The following DNAJC1 variants were observed in gnomAD, a reference collection of about 807,000 sequenced individuals.
The protein encoded by DNAJC1 is DnaJ heat shock protein family (Hsp40) member C1, also known as dnaJ homolog subfamily C member 1.
In DNAJC1, 58 loss-of-function variants were observed where a neutral mutation model predicts 76.6. That is an observed-to-expected ratio of 0.76 (90% CI 0.61 to 0.94). The LOEUF (loss-of-function observed/expected upper bound fraction) is 0.94, where lower values mean the gene tolerates loss of function less well. Ranked by LOEUF, DNAJC1 falls within the 40% of genes least tolerant of loss-of-function variation. DNAJC1 has a pLI of 0.00. For synonymous variants in DNAJC1, 258 were observed against 267.9 expected (o/e 0.96, Z 0.36); for missense variants, 689 against 677.3 (o/e 1.02, Z -0.19).
At chr10:21,974,968 T>A (rs2131831730) in intron 1 of DNAJC1, among the ~76,000 whole-genome samples, 1 of 152,126 alleles carries the variant, frequency 6.6e-6, no homozygotes, top group East Asian at 1.9e-4. Flanking sequence ...TTATGTAAAT[T>A]TCTAACAATA....
intron 3 of DNAJC1, among the ~76,000 whole-genome samples, chr10:21,921,335 A>C (rs1811812768): frequency 6.6e-6 from 1 of 151,996 alleles, no homozygotes; most frequent in Non-Finnish European, 1.5e-5. Flanking sequence ...CAATAGGAGA[A>C]AGATCAAGAT....
In DNAJC1 at chr10:21,756,666, G is replaced by A. The variant is rs776024268; in HGVS notation, c.*21C>T. 1 of 1,583,822 alleles carries A rather than the reference G, an allele frequency of 6.3e-7. No individual in the cohort carries two copies. Among genetic ancestry groups the A allele is most frequent in the Non-Finnish European group, 8.7e-7 (1 of 1,153,050 alleles). ...GATATTCATTTTGGAAAATGAAGGT[G>A]AACATCATCTCCCAGAATATTCAGC... On this transcript the variant is annotated 3_prime_UTR_variant, in exon 12 of 12. Coordinates refer to ENST00000376980, the MANE Select transcript of DNAJC1 (RefSeq NM_022365.4).
chr10:21,940,536 A>G (rs896373883), intron 1 of DNAJC1, among the ~76,000 whole-genome samples: 10 of 152,200 alleles, frequency 6.6e-5, no homozygotes, highest in Non-Finnish European at 1.5e-4. Flanking sequence ...CAAATAAGAA[A>G]ATAATTTCGA....
At chr10:21,980,406 T>C (rs1048219310) in intron 1 of DNAJC1, among the ~76,000 whole-genome samples, 5 of 152,132 alleles carry the variant, frequency 3.3e-5, no homozygotes, top group Non-Finnish European at 7.4e-5. Flanking sequence ...ACTTCCATAG[T>C]ATTTATAACA....
chr10:21,832,867 C>T (rs1835383540), intron 8 of DNAJC1, among the ~76,000 whole-genome samples: 2 of 152,214 alleles, frequency 1.3e-5, no homozygotes, highest in Admixed American at 6.6e-5. Flanking sequence ...CCTACTTTTA[C>T]AAACATATTT....
At chr10:21,973,696 G>A (rs1838017069) in intron 1 of DNAJC1, among the ~76,000 whole-genome samples, 1 of 151,142 alleles carries the variant, frequency 6.6e-6, no homozygotes, top group South Asian at 2.1e-4. Context: ...ATTATTTTTG[G>A]TAATTATTTA....
At chr10:21,804,298 A>C (rs1156887661) in intron 9 of DNAJC1, among the ~76,000 whole-genome samples, 2 of 152,156 alleles carry the variant, frequency 1.3e-5, no homozygotes, top group Non-Finnish European at 2.9e-5. Context: ...TGCAGTCTTC[A>C]AAGGAGATAA....
chr10:21,893,803 G>T (rs1836494628), intron 7 of DNAJC1, among the ~76,000 whole-genome samples: 1 of 151,490 alleles, frequency 6.6e-6, no homozygotes, highest in South Asian at 2.1e-4. Context: ...AAAGCAAGCA[G>T]AAGGAAGGAA....
intron 1 of DNAJC1, among the ~76,000 whole-genome samples, chr10:21,976,498 C>A (rs1049216308): frequency 6.6e-6 from 1 of 152,174 alleles, no homozygotes; most frequent in African/African-American, 2.4e-5. Context: ...AAATTACATG[C>A]CACATCTTCT....
chr10:21,927,795 T>C (rs1030742723), intron 3 of DNAJC1, among the ~76,000 whole-genome samples: 11 of 152,054 alleles, frequency 7.2e-5, no homozygotes, highest in African/African-American at 2.7e-4. Flanking sequence ...TCTGTAGGAG[T>C]AGAGGAAAGG....
rs1433107649 is a variant in DNAJC1, at chr10:21,756,606, G to A, written c.*81C>T. The A allele has an allele frequency of 2.1e-6, 2 of 970,720 alleles. No homozygotes were observed. Among genetic ancestry groups the A allele is most frequent in the African/African-American group, 3.3e-5 (2 of 61,422 alleles). 60.1% of individuals were successfully genotyped at this position (970,720 alleles called of 1,614,324 possible). On this transcript the variant is annotated 3_prime_UTR_variant, in exon 12 of 12. Coordinates refer to ENST00000376980, the MANE Select transcript of DNAJC1 (RefSeq NM_022365.4). Reference sequence around the variant, plus strand: ...AAGGCACATGACGTAGAAATATTGAGGTACAAAATGCAAATTTCTGCATAA... The same window carrying A: ...AAGGCACATGACGTAGAAATATTGAAGTACAAAATGCAAATTTCTGCATAA...
chr10:22,002,844 G>A (rs1202118821), intron 1 of DNAJC1, among the ~76,000 whole-genome samples: 2 of 150,244 alleles, frequency 1.3e-5, no homozygotes, highest in Admixed American at 6.6e-5. Context: ...GAAGGCAAAA[G>A]GTAGGTGTTA....
At chr10:21,829,992 A>C (rs748254072) in intron 8 of DNAJC1, among the ~76,000 whole-genome samples, 79 of 152,208 alleles carry the variant, frequency 5.2e-4, no homozygotes, top group Non-Finnish European at 9.6e-4. Flanking sequence ...AACAAATCTA[A>C]AGTAAATCCA....
Position 21,798,634 on chromosome 10 carries a change from G to A in DNAJC1, c.1098+7346C>T, listed in dbSNP as rs150432532. Reference sequence around the variant, plus strand: ...ACCTCTGCTCAAATACTACCTCTCCGAGAACACTTTCCTCAGAACCCTATT... The same window carrying A: ...ACCTCTGCTCAAATACTACCTCTCCAAGAACACTTTCCTCAGAACCCTATT... On this transcript the variant is annotated intron_variant, in intron 9 of 11. Coordinates refer to ENST00000376980, the MANE Select transcript of DNAJC1 (RefSeq NM_022365.4). Among the ~76,000 whole-genome samples the A allele has an allele frequency of 5.9e-5, 9 of 152,034 alleles. No individual in the cohort carries two copies. In the South Asian group the frequency reaches 1.3e-3, roughly 21 times the overall value.
At chr10:21,958,732 T>TCTAG (rs1191315935) in intron 1 of DNAJC1, among the ~76,000 whole-genome samples, 1 of 152,112 alleles carries the variant, frequency 6.6e-6, no homozygotes, top group African/African-American at 2.4e-5. Context: ...GGCCCAGATT[T>TCTAG]GCCTTTTCTA....
rs532364782 is a variant in DNAJC1, at chr10:21,770,297, G to GT, written c.1099-3989dup. On this transcript the variant is annotated intron_variant, in intron 9 of 11. Coordinates refer to ENST00000376980, the MANE Select transcript of DNAJC1 (RefSeq NM_022365.4). ...TTTCATGTGTTTATTGGACATCTGT[G>GT]TATCTTCCTTGGAGGAATATCTATT... 2.9e-3 allele frequency among the ~76,000 whole-genome samples: 437 copies of GT among 151,258 alleles called. 1 individual carries two copies. Among genetic ancestry groups the GT allele is most frequent in the African/African-American group, 0.01 (425 of 41,184 alleles).
At chr10:21,852,757 CTT>C (rs35470482) in intron 8 of DNAJC1, among the ~76,000 whole-genome samples, 1 of 143,450 alleles carries the variant, frequency 7.0e-6, no homozygotes, top group Non-Finnish European at 1.5e-5. Flanking sequence ...GAAGTACCCA[CTT>C]TTTTTTTTTT....
At chr10:21,922,984 A>G (rs1837062662) in intron 3 of DNAJC1, among the ~76,000 whole-genome samples, 1 of 152,022 alleles carries the variant, frequency 6.6e-6, no homozygotes, top group African/African-American at 2.4e-5. Flanking sequence ...AGCTGAACTC[A>G]TAGCTAAGAA....
intron 9 of DNAJC1, among the ~76,000 whole-genome samples, chr10:21,766,865 G>A (rs1050332923): frequency 6.6e-6 from 1 of 151,742 alleles, no homozygotes; most frequent in African/African-American, 2.4e-5. Flanking sequence ...AGCTACTCGG[G>A]AGGCTGAGGC....
Sources: allele counts gnomAD v4.1 joint callset (sites outside exome capture counted in the v4.1 genomes callset), GRCh38; gene constraint gnomAD v4.1.1; transcripts MANE v1.5; gene names NCBI Gene and HGNC (gene_info 2026-07-23, HGNC 2026-07-21).